COL21A1: variants seen among roughly 807,000 people sequenced by gnomAD.
COL21A1 encodes collagen type XXI alpha 1 chain.
Under a neutral mutation model 137.9 loss-of-function variants are expected in COL21A1, and 149 were observed. That is an observed-to-expected ratio of 1.08 (90% confidence interval 0.95 to 1.24). The LOEUF (loss-of-function observed/expected upper bound fraction) is 1.24. Among genes scored for constraint, COL21A1 ranks in the 50% most tolerant of loss-of-function variants. COL21A1 has a pLI of 0.00. For missense variants in COL21A1, 1,167 were observed against 1,158.4 expected (o/e 1.01, Z -0.11); for synonymous variants, 456 against 391.5 (o/e 1.16, Z -1.95).
chr6:56,260,696 G>GAAGGAAGGAAGGAAGGAAGT (rs1171498184), intron 1 of COL21A1, among the ~76,000 whole-genome samples: 1 of 45,664 alleles, frequency 2.2e-5, no homozygotes, highest in Non-Finnish European at 4.4e-5. Context: ...AGGAAGGCAG[G>GAAGGAAGGAAGGAAGGAAGT]CAGGCAGGCA....
chr6:56,302,400 G>C (rs1195113439), intron 1 of COL21A1, among the ~76,000 whole-genome samples: 1 of 151,896 alleles, frequency 6.6e-6, no homozygotes, highest in Admixed American at 6.6e-5. Flanking sequence ...GTTGTTTCCT[G>C]ACTTTTTAAT....
chr6:56,338,401 A>G (rs916506694), intron 1 of COL21A1, among the ~76,000 whole-genome samples: 1 of 151,932 alleles, frequency 6.6e-6, no homozygotes, highest in Middle Eastern at 3.2e-3. Context: ...GAGCTTCCTG[A>G]TTGCACAGTT....
At chr6:56,209,100 G>GGACAT (rs1419533589) in intron 1 of COL21A1, among the ~76,000 whole-genome samples, 6 of 151,858 alleles carry the variant, frequency 4.0e-5, no homozygotes, top group African/African-American at 1.5e-4. Flanking sequence ...ATACCATTCA[G>GGACAT]GACATAGGCA....
rs539376916 is a variant in COL21A1, at chr6:56,364,826, GT to G, written c.-39+29144del. Reference sequence around the variant, plus strand: ...TCTATTTTCTCACACAGAGGACACAGTCTCTTTTACCACAGCTATTATTGGG... The same window carrying G: ...TCTATTTTCTCACACAGAGGACACAGCTCTTTTACCACAGCTATTATTGGG... On this transcript the variant is annotated intron_variant, in intron 1 of 28. Coordinates refer to the COL21A1 transcript ENST00000370819. 9.4e-3 allele frequency among the ~76,000 whole-genome samples: 1,419 copies of G among 151,628 alleles called. 19 individuals are homozygous for G. The highest frequency in any genetic ancestry group is 0.011 in the Non-Finnish European group (738 of 67,956).
chr6:56,341,782 G>A (rs1765473817), intron 1 of COL21A1, among the ~76,000 whole-genome samples: 1 of 152,174 alleles, frequency 6.6e-6, no homozygotes, highest in South Asian at 2.1e-4. Context: ...CGACTCTGGT[G>A]CAGGCAGTTG....
intron 1 of COL21A1, among the ~76,000 whole-genome samples, chr6:56,192,223 A>T (rs1326706324): frequency 6.6e-6 from 1 of 152,172 alleles, no homozygotes; most frequent in Non-Finnish European, 1.5e-5. Context: ...AGACTTAAAC[A>T]TAAGACCTTA....
chr6:56,224,071 C>T (rs1781037660), intron 1 of COL21A1, among the ~76,000 whole-genome samples: 1 of 152,044 alleles, frequency 6.6e-6, no homozygotes, highest in African/African-American at 2.4e-5. Context: ...TTTACTAGTA[C>T]CCTTTTTATA....
intron 16 of COL21A1, among the ~76,000 whole-genome samples, chr6:56,114,559 A>G (rs1303157157): frequency 6.6e-6 from 1 of 152,162 alleles, no homozygotes; most frequent in African/African-American, 2.4e-5. Flanking sequence ...GCAACCAAAA[A>G]ACACATGAAA....
At chr6:56,263,469 G>A (rs948653471) in intron 1 of COL21A1, among the ~76,000 whole-genome samples, 4 of 152,114 alleles carry the variant, frequency 2.6e-5, no homozygotes, top group African/African-American at 9.7e-5. Flanking sequence ...GGGTGTGGTG[G>A]GAAATAAGAC....
At chr6:56,143,258 T>C (rs1246792920) in intron 10 of COL21A1, among the ~76,000 whole-genome samples, 1 of 148,670 alleles carries the variant, frequency 6.7e-6, no homozygotes, top group Non-Finnish European at 1.5e-5. Flanking sequence ...TGGAGTGCAG[T>C]GGTGCAATCT....
intron 1 of COL21A1, among the ~76,000 whole-genome samples, chr6:56,372,947 T>C (rs2093992357): frequency 6.6e-6 from 1 of 152,240 alleles, no homozygotes; most frequent in Non-Finnish European, 1.5e-5. Context: ...ATTTCCCATA[T>C]GCCTTTGCAG....
intron 1 of COL21A1, among the ~76,000 whole-genome samples, chr6:56,264,389 T>C (rs960033227): frequency 6.6e-6 from 1 of 152,220 alleles, no homozygotes; most frequent in African/African-American, 2.4e-5. Context: ...TACTATCCCC[T>C]GGCTTTCCTT....
chr6:56,145,142 T>A (rs1165610761), intron 10 of COL21A1, among the ~76,000 whole-genome samples: 1 of 152,232 alleles, frequency 6.6e-6, no homozygotes, highest in East Asian at 1.9e-4. Flanking sequence ...TCTTTATGAT[T>A]TAACTCTTTT....
intron 10 of COL21A1, among the ~76,000 whole-genome samples, chr6:56,143,512 T>C (rs1295501572): frequency 2.6e-5 from 4 of 152,182 alleles, no homozygotes; most frequent in Non-Finnish European, 5.9e-5. Flanking sequence ...CTATACAATT[T>C]TTTATCACCA....
At chr6:56,208,651 T>C (rs1779956609) in intron 1 of COL21A1, among the ~76,000 whole-genome samples, 1 of 152,176 alleles carries the variant, frequency 6.6e-6, no homozygotes. Context: ...ATTGAGTTTC[T>C]TCACTGAATT....
At chr6:56,161,342 T>C (rs1776183519) in intron 9 of COL21A1, among the ~76,000 whole-genome samples, 1 of 152,198 alleles carries the variant, frequency 6.6e-6, no homozygotes, top group African/African-American at 2.4e-5. Context: ...ACCACAACTG[T>C]TCCTCTGGCT....
rs1776733890 is a variant in COL21A1, at chr6:56,168,137, T to A, written c.1187A>T (p.Glu396Val). The A allele has an allele frequency of 6.6e-7, 1 of 1,521,314 alleles. No individual in the cohort carries two copies. 94.2% of individuals were successfully genotyped at this position (1,521,314 alleles called of 1,614,324 possible). ...TTATTTATCTACCTGAACAGTTTCT[T>A]CTTTTCCAGAATATTTTCCAATTTG... is the stretch of plus-strand genomic sequence containing the variant. ...QTQIGKYSGK[E>V]ETVQFDVQKL... is the part of the protein sequence containing the mutation. The change falls in exon 6 of 30, where the codon GAA becomes GTA. Residue 396 changes from glutamate to valine, a missense_variant. By Grantham distance (121) the Glu-to-Val change is moderately radical. Transcript: ENST00000244728.
At chr6:56,323,182 T>A (rs1334241444) in intron 1 of COL21A1, among the ~76,000 whole-genome samples, 1 of 152,130 alleles carries the variant, frequency 6.6e-6, no homozygotes, top group Non-Finnish European at 1.5e-5. Flanking sequence ...TAAAAATAAA[T>A]TTTAAAAAAT....
intron 1 of COL21A1, among the ~76,000 whole-genome samples, chr6:56,226,238 A>G (rs1438248937): frequency 1.3e-5 from 2 of 152,052 alleles, no homozygotes; most frequent in Non-Finnish European, 2.9e-5. Context: ...GTATACCAAA[A>G]AAAGTCACTT....
Sources: gnomAD v4.1 joint callset for allele counts (sites outside exome capture counted in the v4.1 genomes callset) on GRCh38, gnomAD v4.1.1 for gene constraint, MANE v1.5 for transcripts, NCBI Gene and HGNC (gene_info 2026-07-23, HGNC 2026-07-21) for gene names.